Variants in LRRC15 observed in about 807,000 individuals in gnomAD.
LRRC15 encodes the protein leucine rich repeat containing 15.
In LRRC15, 5 loss-of-function variants were observed where a neutral mutation model predicts 4.3. That is an observed-to-expected ratio of 1.16 (90% CI 0.61 to 2.44). LRRC15 has a LOEUF of 2.44. Ranked by LOEUF, LRRC15 falls within the 30% of genes most tolerant of loss-of-function variation. LRRC15 has a pLI of 0.01. For synonymous variants in LRRC15, 337 were observed against 323.2 expected, an observed-to-expected ratio of 1.04 and a Z score of -0.46; for missense variants, 769 against 747.0, an observed-to-expected ratio of 1.03 and a Z score of -0.34.
intron 1 of LRRC15, among the ~76,000 whole-genome samples, chr3:194,366,794 G>A (rs1286984053): frequency 5.3e-5 from 8 of 151,722 alleles, no homozygotes; most frequent in East Asian, 2.0e-4. Context: ...TAGTCAAACC[G>A]TCTGCTCATT....
At position 194,355,535 on chromosome 3, in the gene LRRC15, A is replaced by G. The variant is rs916746195; in HGVS notation, c.*3763T>C. ...TGGGGCGGAAGGAGTTTTCCCCGGA[A>G]GTGGCTTGCCAGCCCACCCTCTCTG... On this transcript the variant is annotated 3_prime_UTR_variant, in exon 2 of 2. Transcript: ENST00000347624. 2 of 152,272 alleles carry G rather than the reference A, an allele frequency of 1.3e-5. No individual in the cohort carries two copies. The highest frequency in any genetic ancestry group is 4.8e-5 in the African/African-American group (2 of 41,458). 9.4% of individuals were successfully genotyped at this position (152,272 alleles called of 1,614,324 possible).
At chr3:194,361,171 A>G (rs923934) in intron 1 of LRRC15, 125 bp from the exon 2 acceptor site, 170,552 of 749,444 alleles carry the variant, frequency 0.23, 21,368 homozygotes, top group Non-Finnish European at 0.26. Context: ...CATACTGAAC[A>G]CATGCTCTCT....
rs1038063618 is a variant in LRRC15, at chr3:194,357,899, A to G, written c.*1399T>C. The stretch of plus-strand genomic sequence containing the variant: ...AATTAAAAACAGATACAGGCATATC[A>G]CGTCCATAGAAGGCTCCAGGCGGAG... On this transcript the variant is annotated 3_prime_UTR_variant, in exon 2 of 2. Transcript: ENST00000347624. 9 of 152,252 alleles carry G rather than the reference A, an allele frequency of 5.9e-5. No individual in the cohort carries two copies. Among genetic ancestry groups the G allele is most frequent in the Non-Finnish European group, 1.3e-4 (9 of 68,048 alleles). 9.4% of individuals were successfully genotyped at this position (152,252 alleles called of 1,614,324 possible).
intron 1 of LRRC15, among the ~76,000 whole-genome samples, chr3:194,364,645 C>T (rs1215298678): frequency 6.6e-6 from 1 of 152,172 alleles, no homozygotes; most frequent in African/African-American, 2.4e-5. Flanking sequence ...GGAAGGTGCC[C>T]CTTGACCTGA....
rs1713490144 is a variant in LRRC15 at position 194,358,262 on chromosome 3, C to G, written c.*1036G>C. 1 of 152,394 alleles carries G rather than the reference C, an allele frequency of 6.6e-6. No homozygotes were observed. 9.4% of individuals were successfully genotyped at this position (152,394 alleles called of 1,614,324 possible). On this transcript the variant is annotated 3_prime_UTR_variant, in exon 2 of 2. Coordinates refer to ENST00000347624, the MANE Select transcript of LRRC15 (RefSeq NM_130830.5). ...CAGGATGGGGGATATTTGTGATGCT[C>G]TGGGTCTGGGTCTAGATGCTGATTA...
At chr3:194,363,303 A>T in intron 1 of LRRC15, 1 of 684,292 alleles carries the variant, frequency 1.5e-6, no homozygotes, top group Non-Finnish European at 2.7e-6. Flanking sequence ...CTTTTACATT[A>T]AGAACTTGAC....
At chr3:194,365,160 G>C (rs1384464779) in intron 1 of LRRC15, among the ~76,000 whole-genome samples, 1 of 152,222 alleles carries the variant, frequency 6.6e-6, no homozygotes, top group Non-Finnish European at 1.5e-5. Context: ...CCCCTGTCCA[G>C]CTCCTGGGAA....
rs140749600 is a variant in LRRC15 at position 194,359,699 on chromosome 3, T to C, written c.1345A>G (p.Thr449Ala). The change falls in exon 2 of 2, where the codon ACT becomes GCT. Residue 449 changes from threonine to alanine, a missense_variant. Coordinates refer to ENST00000347624, the MANE Select transcript of LRRC15 (RefSeq NM_130830.5). Reference protein sequence around the residue: ...LLNQPRLGTDTVPVCFSPANV... With the variant: ...LLNQPRLGTDAVPVCFSPANV... ...GCTGGGCTGAAACACACAGGTACAGTGTCCGTCCCTAACCTAGGCTGGTTG... is the reference window on the plus strand; with the variant it reads ...GCTGGGCTGAAACACACAGGTACAGCGTCCGTCCCTAACCTAGGCTGGTTG... 3.3e-5 allele frequency: 54 copies of C among 1,614,062 alleles called. No individual in the cohort carries two copies. The African/African-American group carries it at 6.0e-4, about 18-fold the overall frequency.
At position 194,367,479 on chromosome 3, in the gene LRRC15, TG is replaced by T. The variant is rs533483774; in HGVS notation, c.-4+2181del. 2.6e-3 allele frequency among the ~76,000 whole-genome samples: 401 copies of T among 152,238 alleles called. 4 individuals carry two copies. Among genetic ancestry groups the T allele is most frequent in the South Asian group, 0.012 (60 of 4,822 alleles). On this transcript the variant is annotated intron_variant, in intron 1 of 1. Coordinates refer to ENST00000347624, the MANE Select transcript of LRRC15 (RefSeq NM_130830.5). ...CCGCCACCACACCCGGCTAATTTTT[TG>T]TATTTTTAGTAGAGACAGGGTTTCG... is the stretch of plus-strand genomic sequence containing the variant.
chr3:194,363,561 G>A, intron 1 of LRRC15: 1 of 439,946 alleles, frequency 2.3e-6, no homozygotes, highest in Non-Finnish European at 4.2e-6. Flanking sequence ...GATAACAAAG[G>A]AAGGAGGCTG....
chr3:194,362,934 A>ATTTTTTTTTTTTTTTT (rs1162019236), intron 1 of LRRC15, among the ~76,000 whole-genome samples: 1 of 114,746 alleles, frequency 8.7e-6, no homozygotes. Flanking sequence ...ACAGACCTTG[A>ATTTTTTTTTTTTTTTT]TTTTGTTTTT....
rs776215946 is a variant in LRRC15, at chr3:194,355,606, A to G, written c.*3692T>C. ...TCCCAAGGCCACTGCTGGCTTCCCA[A>G]CAACGCAGATTCAGTTCTGACTGTG... On this transcript the variant is annotated 3_prime_UTR_variant, in exon 2 of 2. Coordinates refer to ENST00000347624, the MANE Select transcript of LRRC15 (RefSeq NM_130830.5). The G allele has an allele frequency of 2.0e-5, 3 of 152,250 alleles. No individual in the cohort carries two copies. Among genetic ancestry groups the G allele is most frequent in the Non-Finnish European group, 2.9e-5 (2 of 68,056 alleles). 9.4% of individuals were successfully genotyped at this position (152,250 alleles called of 1,614,324 possible). A position where few individuals can be genotyped will look rare whatever the true frequency, so the allele number is the denominator to read the frequency against.
intron 1 of LRRC15, among the ~76,000 whole-genome samples, chr3:194,365,366 G>A (rs546052209): frequency 9.9e-5 from 15 of 152,020 alleles, no homozygotes; most frequent in African/African-American, 3.4e-4. Flanking sequence ...AATTAGCCTC[G>A]AAGCCCTGGG....
intron 1 of LRRC15, among the ~76,000 whole-genome samples, chr3:194,368,750 G>A (rs1713853263): frequency 6.6e-6 from 1 of 152,180 alleles, no homozygotes; most frequent in African/African-American, 2.4e-5. Context: ...GGCCCGGGAG[G>A]TGGAATGGCT....
intron 1 of LRRC15, among the ~76,000 whole-genome samples, chr3:194,368,784 G>A (rs1713854237): frequency 6.6e-6 from 1 of 152,188 alleles, no homozygotes; most frequent in Non-Finnish European, 1.5e-5. Context: ...AGGGGTGGGA[G>A]AGTCCTGAAA....
Position 194,358,436 on chromosome 3 carries a change from C to T in LRRC15, c.*862G>A, listed in dbSNP as rs182561300. The T allele has an allele frequency of 6.6e-6, 1 of 152,338 alleles. No homozygotes were observed. Among genetic ancestry groups the T allele is most frequent in the Admixed American group, 6.5e-5 (1 of 15,300 alleles). 9.4% of individuals were successfully genotyped at this position (152,338 alleles called of 1,614,324 possible). On this transcript the variant is annotated 3_prime_UTR_variant, in exon 2 of 2. Coordinates refer to ENST00000347624, the MANE Select transcript of LRRC15 (RefSeq NM_130830.5). ...GGACCCCCAGGCACCAGATTTCTTTCTCTATCCCGTATTAATAAGCTGATT... is the reference window on the plus strand; with the variant it reads ...GGACCCCCAGGCACCAGATTTCTTTTTCTATCCCGTATTAATAAGCTGATT...
intron 1 of LRRC15, among the ~76,000 whole-genome samples, chr3:194,364,829 C>T (rs139969559): frequency 1.3e-5 from 2 of 152,254 alleles, no homozygotes; most frequent in African/African-American, 4.8e-5. Context: ...CAGCACTTTC[C>T]ACTGCTGTGG....
chr3:194,363,851 T>G (rs1215862342), intron 1 of LRRC15, among the ~76,000 whole-genome samples: 2 of 152,016 alleles, frequency 1.3e-5, no homozygotes, highest in Non-Finnish European at 2.9e-5. Flanking sequence ...AAATTAAAAT[T>G]AAAATGAAGG....
rs760771785 is a variant in LRRC15 at position 194,360,536 on chromosome 3, C to T, written c.508G>A (p.Asp170Asn). The change falls in exon 2 of 2, where the codon GAC (aspartate) becomes AAC (asparagine). Residue 170 changes from aspartate to asparagine, a missense_variant. By Grantham distance (23) the Asp-to-Asn change is conservative. Coordinates refer to ENST00000347624, the MANE Select transcript of LRRC15 (RefSeq NM_130830.5). ...AGCTTCGTGAGTCCTACCAGGTGGT[C>T]GAAGGCTCCGTCAGGGATGTATTCC... The part of the protein sequence containing the change: ...HLEYIPDGAF[D>N]HLVGLTKLNL... 4.3e-5 allele frequency: 70 copies of T among 1,614,002 alleles called. 1 individual carries two copies. In the South Asian group the frequency reaches 5.7e-4, roughly 13 times the overall value.
Sources: gnomAD v4.1 joint callset for allele counts (sites outside exome capture counted in the v4.1 genomes callset) on GRCh38, gnomAD v4.1.1 for gene constraint, MANE v1.5 for transcripts, NCBI Gene and HGNC (gene_info 2026-07-23, HGNC 2026-07-21) for gene names.